HERC2: variants seen among roughly 807,000 people sequenced by gnomAD.
The protein encoded by HERC2 is HECT and RLD domain containing E3 ubiquitin protein ligase 2.
A neutral mutation model predicts 537.7 loss-of-function variants in HERC2; 102 were observed. That is an observed-to-expected ratio of 0.19 (90% CI 0.16 to 0.22). HERC2 has a LOEUF of 0.22. Ranked by LOEUF, HERC2 falls within the 10% of genes least tolerant of loss-of-function variation. HERC2 has a pLI of 1.00. For synonymous variants in HERC2, 2,224 were observed against 2,466.2 expected (o/e 0.90, Z 2.91); for missense variants, 4,236 against 6,198.2 (o/e 0.68, Z 10.63).
At chr15:28,240,054 GTTT>G (rs202042453) in intron 23 of HERC2, among the ~76,000 whole-genome samples, 1 of 151,524 alleles carries the variant, frequency 6.6e-6, no homozygotes. Flanking sequence ...ATATTGTAGG[GTTT>G]TTTTTTAAAT....
chr15:28,218,504 T>C lies in HERC2; in HGVS notation c.6013A>G (p.Thr2005Ala). 6.3e-7 allele frequency: 1 copy of C among 1,595,826 alleles called. No homozygotes were observed. The highest frequency in any genetic ancestry group is 8.5e-7 in the Non-Finnish European group (1 of 1,179,668). ...CATTCCATACATGTCTTGTCCGTCG[T>C]TCCGCTTTCCACTAACATTCGCAGC... ...GLLRMLVESG[T>A]TDKTSSPNRL... The change falls in exon 38 of 93, where the codon ACG (threonine) becomes GCG (alanine). Residue 2005 changes from threonine (T) to alanine (A), a missense_variant. Physicochemically the swap from Thr to Ala is moderately conservative, Grantham distance 58 (BLOSUM62 0). Coordinates refer to ENST00000261609, the MANE Select transcript of HERC2 (RefSeq NM_004667.6).
At chr15:28,314,861 A>G (rs2077039894) in intron 2 of HERC2, among the ~76,000 whole-genome samples, 1 of 71,784 alleles carries the variant, frequency 1.4e-5, no homozygotes, top group African/African-American at 2.8e-5. Context: ...ACTCCCTCTC[A>G]GGAAAAAAAA....
At chr15:28,291,517 A>G (rs1446463234) in intron 4 of HERC2, among the ~76,000 whole-genome samples, 1 of 152,190 alleles carries the variant, frequency 6.6e-6, no homozygotes, top group Non-Finnish European at 1.5e-5. Context: ...TGGGGTGGGC[A>G]GTCAGGTGAA....
At chr15:28,141,923 A>C (rs1204166939) in intron 76 of HERC2, 77 bp from the exon 77 acceptor site, 2 of 1,135,388 alleles carry the variant, frequency 1.8e-6, no homozygotes, top group Non-Finnish European at 1.3e-6. Flanking sequence ...GAAAGACAGA[A>C]GGAATCCCTG....
intron 20 of HERC2, among the ~76,000 whole-genome samples, chr15:28,250,072 C>T (rs1287502628): frequency 8.1e-6 from 1 of 123,236 alleles, no homozygotes. Context: ...CCCCGTTGAG[C>T]CAGGAGCACA....
At chr15:28,220,890 G>C (rs1900457693) in intron 36 of HERC2, among the ~76,000 whole-genome samples, 1 of 140,172 alleles carries the variant, frequency 7.1e-6, no homozygotes, top group Non-Finnish European at 1.5e-5. Context: ...CCTCAGTTAG[G>C]AGGGTGCATG....
At position 28,152,657 on chromosome 15, in the gene HERC2, G is replaced by A. The variant is rs546931171; in HGVS notation, c.10900+20C>T. On this transcript the variant is annotated intron_variant, in intron 70 of 92. Transcript: ENST00000261609. ...AAGGTGGGAAAGGCTGCAGCTCCCCGCTGGGGCCAGCCCCTGTACCTGGTA... is the reference window on the plus strand; with the variant it reads ...AAGGTGGGAAAGGCTGCAGCTCCCCACTGGGGCCAGCCCCTGTACCTGGTA... The A allele has an allele frequency of 1.5e-5, 23 of 1,524,398 alleles. No homozygotes were observed. Among genetic ancestry groups the A allele is most frequent in the South Asian group, 1.2e-4 (10 of 80,734 alleles). The allele number at this position is 1,524,398 out of a possible 1,614,324, so 94.4% of individuals were successfully genotyped here.
intron 26 of HERC2, among the ~76,000 whole-genome samples, chr15:28,236,396 T>C (rs1171067348): frequency 2.0e-5 from 3 of 152,004 alleles, no homozygotes; most frequent in African/African-American, 7.3e-5. Context: ...GTTCAAGCAA[T>C]TCTCCTACCT....
In HERC2 at chr15:28,111,966, G is replaced by A. The variant is rs753877945; in HGVS notation, c.14302C>T (p.Leu4768=). The A allele has an allele frequency of 5.6e-6, 9 of 1,614,058 alleles. No individual in the cohort carries two copies. In the East Asian group the frequency reaches 2.0e-4, roughly 36 times the overall value. ...ACCTGCTTGCAGGAATACCTGGGCA[G>A]CTTCAGCAAGAAGAAACAGGTGTAG... is the stretch of plus-strand genomic sequence containing the variant. ...ESYTCFFLLK[L]PRYSCKQVLE... Residue 4768 remains leucine, a synonymous_variant, in exon 93 of 93, where the codon CTG becomes TTG. Transcript: ENST00000261609.
At chr15:28,168,658 G>A (rs1022427390) in intron 66 of HERC2, 68 bp from the exon 67 acceptor site, 40 of 1,461,612 alleles carry the variant, frequency 2.7e-5, no homozygotes, top group Non-Finnish European at 3.5e-5. Context: ...GAAGTGGAGA[G>A]GCAGGGCTAG....
At chr15:28,229,007 G>T (rs1034394274) in intron 34 of HERC2, among the ~76,000 whole-genome samples, 188 bp downstream of exon 34, 5 of 152,216 alleles carry the variant, frequency 3.3e-5, no homozygotes, top group Admixed American at 2.0e-4. Flanking sequence ...CTTCAACATT[G>T]TGTCTCCTGC....
intron 20 of HERC2, among the ~76,000 whole-genome samples, chr15:28,253,759 T>G (rs576647981): frequency 7.6e-5 from 11 of 144,188 alleles, no homozygotes; most frequent in Admixed American, 7.6e-4. Context: ...GTCAGGAGTT[T>G]GAGACCAGCC....
At chr15:28,232,419 A>G (rs1468617946) in intron 30 of HERC2, among the ~76,000 whole-genome samples, 1 of 152,032 alleles carries the variant, frequency 6.6e-6, no homozygotes, top group African/African-American at 2.4e-5. Context: ...GGGTGCCTGT[A>G]GTGCCTATAA....
At chr15:28,181,667 T>C (rs1895832007) in intron 57 of HERC2, among the ~76,000 whole-genome samples, 2 of 152,224 alleles carry the variant, frequency 1.3e-5, no homozygotes, top group African/African-American at 4.8e-5. Flanking sequence ...CACTAAGTAA[T>C]ACAAGGAATG....
intron 25 of HERC2, among the ~76,000 whole-genome samples, chr15:28,237,420 T>C (rs1451003523): frequency 1.3e-5 from 2 of 152,226 alleles, no homozygotes; most frequent in Non-Finnish European, 2.9e-5. Context: ...CTGTACACCA[T>C]GCTTCAGAAA....
intron 8 of HERC2, 85 bp downstream of exon 8, chr15:28,272,809 C>G: frequency 1.1e-6 from 1 of 872,394 alleles, no homozygotes; most frequent in Non-Finnish European, 1.8e-6. Context: ...CGGTCACAAA[C>G]GATTCAGTGA....
At chr15:28,182,248 G>A (rs1262947461) in intron 57 of HERC2, among the ~76,000 whole-genome samples, 153 bp downstream of exon 57, 2 of 152,136 alleles carry the variant, frequency 1.3e-5, no homozygotes, top group Admixed American at 6.5e-5. Flanking sequence ...ATTTTTCAAG[G>A]AGAGACGCTT....
intron 35 of HERC2, among the ~76,000 whole-genome samples, chr15:28,225,189 G>A (rs1184389777): frequency 6.6e-6 from 1 of 151,842 alleles, no homozygotes; most frequent in Non-Finnish European, 1.5e-5. Context: ...GGAGGTTGAG[G>A]CTGCAGTGAG....
At chr15:28,313,597 A>G (rs1294252703) in intron 2 of HERC2, among the ~76,000 whole-genome samples, 2 of 152,260 alleles carry the variant, frequency 1.3e-5, no homozygotes, top group Non-Finnish European at 2.9e-5. Flanking sequence ...ATGTCCTTAC[A>G]ATTTGACAGA....
Sources: gnomAD v4.1 joint callset for allele counts (sites outside exome capture counted in the v4.1 genomes callset) on GRCh38, gnomAD v4.1.1 for gene constraint, MANE v1.5 for transcripts, NCBI Gene and HGNC (gene_info 2026-07-23, HGNC 2026-07-21) for gene names.